The following RUNDC3B variants were observed in gnomAD, a reference collection of about 807,000 sequenced individuals.
The protein encoded by RUNDC3B is RUN domain-containing protein 3B.
RUNDC3B carries 33 observed loss-of-function variants against 58.4 expected under a neutral mutation model. The observed-to-expected ratio is 0.56, with a 90% CI of 0.43 to 0.75. The LOEUF is 0.75. RUNDC3B is among the 30% of genes least tolerant of loss of function. The pLI, the probability that RUNDC3B is intolerant of heterozygous loss-of-function variation, is 0.00. For synonymous variants in RUNDC3B, 193 were observed against 195.2 expected (o/e 0.99, Z 0.10); for missense variants, 501 against 535.7 (o/e 0.94, Z 0.64).
intron 6 of RUNDC3B, among the ~76,000 whole-genome samples, chr7:87,753,828 C>G (rs2130838564): frequency 6.6e-6 from 1 of 152,242 alleles, no homozygotes; most frequent in Non-Finnish European, 1.5e-5. Flanking sequence ...GTAACTTATT[C>G]TACATAGAGG....
intron 7 of RUNDC3B, among the ~76,000 whole-genome samples, chr7:87,773,907 A>G (rs1011346646): frequency 3.9e-5 from 6 of 151,960 alleles, no homozygotes; most frequent in African/African-American, 1.2e-4. Context: ...CTAACTCCTG[A>G]CCTCAAGTGA....
intron 7 of RUNDC3B, among the ~76,000 whole-genome samples, chr7:87,774,528 TAGAC>T (rs1428868525): frequency 6.6e-6 from 1 of 152,124 alleles, no homozygotes; most frequent in African/African-American, 2.4e-5. Context: ...AATGGAAGAA[TAGAC>T]AGCACAACAT....
chr7:87,820,797 A>T (rs1194195215), intron 10 of RUNDC3B, among the ~76,000 whole-genome samples: 1 of 151,474 alleles, frequency 6.6e-6, no homozygotes, highest in Non-Finnish European at 1.5e-5. Flanking sequence ...CCACATGATT[A>T]TCTCAATAGA....
chr7:87,743,638 G>A (rs981123265), intron 6 of RUNDC3B, among the ~76,000 whole-genome samples: 17 of 151,928 alleles, frequency 1.1e-4, no homozygotes, highest in Admixed American at 5.9e-4. Flanking sequence ...ATTCATGTCC[G>A]TAGCCCACTT....
intron 4 of RUNDC3B, among the ~76,000 whole-genome samples, chr7:87,722,639 T>G (rs1282754408): frequency 6.6e-6 from 1 of 152,178 alleles, no homozygotes; most frequent in Non-Finnish European, 1.5e-5. Flanking sequence ...GGGGCATCTC[T>G]TATGAAGAGT....
At chr7:87,770,505 C>G in intron 6 of RUNDC3B, 76 bp from the exon 7 acceptor site, 1 of 1,131,926 alleles carries the variant, frequency 8.8e-7, no homozygotes, top group Non-Finnish European at 1.3e-6. Context: ...TTCACCGTAG[C>G]TTGCAAATGT....
chr7:87,680,948 C>A (rs925755824), intron 2 of RUNDC3B, among the ~76,000 whole-genome samples: 1 of 150,336 alleles, frequency 6.7e-6, no homozygotes. Flanking sequence ...AGGATGATTG[C>A]TTGAAATCAT....
At chr7:87,688,207 C>G (rs989057749) in intron 2 of RUNDC3B, among the ~76,000 whole-genome samples, 4 of 152,064 alleles carry the variant, frequency 2.6e-5, no homozygotes, top group African/African-American at 9.6e-5. Flanking sequence ...ATGTAATTCT[C>G]GAAGCATCCG....
chr7:87,650,207 G>C (rs759457876), intron 1 of RUNDC3B, among the ~76,000 whole-genome samples: 2 of 152,162 alleles, frequency 1.3e-5, no homozygotes, highest in Non-Finnish European at 2.9e-5. Context: ...GTCACATTTT[G>C]ATTTTAATGG....
chr7:87,672,434 G>A (rs971563952), intron 2 of RUNDC3B, among the ~76,000 whole-genome samples: 1 of 152,160 alleles, frequency 6.6e-6, no homozygotes, highest in Non-Finnish European at 1.5e-5. Flanking sequence ...TGCTACCGGT[G>A]GCTGGGTAGA....
chr7:87,756,970 T>G (rs1000956701), intron 6 of RUNDC3B, among the ~76,000 whole-genome samples: 1 of 152,150 alleles, frequency 6.6e-6, no homozygotes, highest in African/African-American at 2.4e-5. Context: ...CCTGTTTAGA[T>G]CTTTTAAACC....
intron 2 of RUNDC3B, 117 bp downstream of exon 2, chr7:87,651,054 GTCAAA>G (rs1823521581): frequency 3.2e-6 from 2 of 632,302 alleles, no homozygotes; most frequent in Admixed American, 5.8e-5. Flanking sequence ...AATGTGAAAT[GTCAAA>G]TCTTTTGGCC....
chr7:87,718,081 T>C lies in RUNDC3B; in HGVS notation c.458+7426T>C, dbSNP rs189080070. Among the ~76,000 whole-genome samples, 97 of 152,272 alleles carry C rather than the reference T, an allele frequency of 6.4e-4. 3 individuals are homozygous for C. The highest frequency in any genetic ancestry group is 3.1e-4 in the Non-Finnish European group (21 of 68,014). ...TGAATCTTCTGGTTTGATGATTTGC[T>C]AGGAGGACTCATAGTCTTATTCATG... On this transcript the variant is annotated intron_variant, in intron 4 of 10. Transcript: ENST00000394654.
Position 87,750,293 on chromosome 7 carries a change from G to T in RUNDC3B, c.629+8714G>T, listed in dbSNP as rs1584096529. On this transcript the variant is annotated intron_variant, in intron 6 of 10. Transcript: ENST00000394654. ...CAGTCTATCATTGTTGGACATTTGG[G>T]TTGGTTCCAAGTCTTTGCTATTGTG... Among the ~76,000 whole-genome samples, 2 of 151,948 alleles carry T rather than the reference G, an allele frequency of 1.3e-5. 1 individual carries two copies. The highest frequency in any genetic ancestry group is 4.2e-4 in the South Asian group (2 of 4,800).
intron 6 of RUNDC3B, among the ~76,000 whole-genome samples, chr7:87,757,706 G>A (rs2130847156): frequency 6.6e-6 from 1 of 152,156 alleles, no homozygotes; most frequent in Admixed American, 6.6e-5. Context: ...AATAGCCAAA[G>A]CTATCATGAA....
chr7:87,637,634 TTATTA>T (rs1821917234), intron 1 of RUNDC3B, among the ~76,000 whole-genome samples: 1 of 152,068 alleles, frequency 6.6e-6, no homozygotes, highest in African/African-American at 2.4e-5. Flanking sequence ...TTTAAATCTC[TTATTA>T]TATTTATTCT....
chr7:87,747,323 G>A (rs1832701645), intron 6 of RUNDC3B, among the ~76,000 whole-genome samples: 1 of 152,144 alleles, frequency 6.6e-6, no homozygotes, highest in South Asian at 2.1e-4. Flanking sequence ...CCTGTGATGT[G>A]AGCCATCTAT....
At chr7:87,750,954 C>T (rs1832944645) in intron 6 of RUNDC3B, among the ~76,000 whole-genome samples, 1 of 152,086 alleles carries the variant, frequency 6.6e-6, no homozygotes, top group Non-Finnish European at 1.5e-5. Context: ...AGTCCTTGCC[C>T]ATGCCTATAT....
intron 4 of RUNDC3B, among the ~76,000 whole-genome samples, chr7:87,727,867 G>A (rs1439876784): frequency 3.9e-4 from 59 of 151,842 alleles, no homozygotes; most frequent in Admixed American, 3.8e-3. Context: ...AGTACCATAC[G>A]GTAAGCTTCC....
Sources: gnomAD v4.1 joint callset for allele counts (sites outside exome capture counted in the v4.1 genomes callset) on GRCh38, gnomAD v4.1.1 for gene constraint, MANE v1.5 for transcripts, NCBI Gene and HGNC (gene_info 2026-07-23, HGNC 2026-07-21) for gene names.